PRKG1: variants seen among roughly 807,000 people sequenced by gnomAD.
PRKG1 encodes the protein cGMP-dependent protein kinase 1.
A neutral mutation model predicts 88.1 loss-of-function variants in PRKG1; 35 were observed. The ratio of observed to expected loss-of-function variants is 0.40; its 90% CI spans 0.30 to 0.53. PRKG1 has a LOEUF of 0.53. Among genes scored for constraint, PRKG1 ranks in the 20% least tolerant of loss-of-function variants. The pLI, the probability that PRKG1 is intolerant of heterozygous loss-of-function variation, is 0.59. For missense variants in PRKG1, 540 were observed against 839.8 expected, an observed-to-expected ratio of 0.64 and a Z score of 4.41; for synonymous variants, 303 against 292.5, an observed-to-expected ratio of 1.04 and a Z score of -0.37.
At chr10:51,884,888 G>A (rs1054706009) in intron 4 of PRKG1, among the ~76,000 whole-genome samples, 4 of 152,156 alleles carry the variant, frequency 2.6e-5, no homozygotes, top group East Asian at 1.9e-4. Flanking sequence ...CCACCTCTTC[G>A]TAGGAGAAGT....
At chr10:51,729,319 TTTTTCTAGG>T (rs1842214426) in intron 3 of PRKG1, among the ~76,000 whole-genome samples, 1 of 152,174 alleles carries the variant, frequency 6.6e-6, no homozygotes. Context: ...AACTCAAACA[TTTTTCTAGG>T]GTTTATTATC....
intron 3 of PRKG1, among the ~76,000 whole-genome samples, chr10:51,727,555 T>C (rs907759021): frequency 6.6e-6 from 1 of 152,200 alleles, no homozygotes; most frequent in Non-Finnish European, 1.5e-5. Flanking sequence ...CCGTTGACAT[T>C]AATGTTTTGC....
At chr10:51,210,864 C>A (rs181503828) in intron 2 of PRKG1, among the ~76,000 whole-genome samples, 1 of 152,182 alleles carries the variant, frequency 6.6e-6, no homozygotes, top group African/African-American at 2.4e-5. Context: ...GATGGATTCA[C>A]AGCCGAATTC....
chr10:51,746,403 G>C (rs1400692993), intron 3 of PRKG1, among the ~76,000 whole-genome samples: 1 of 151,930 alleles, frequency 6.6e-6, no homozygotes, highest in Non-Finnish European at 1.5e-5. Flanking sequence ...TTGGACTCAA[G>C]CTCTCCCTAT....
At chr10:51,965,602 T>A (rs1177097195) in intron 5 of PRKG1, among the ~76,000 whole-genome samples, 1 of 152,166 alleles carries the variant, frequency 6.6e-6, no homozygotes, top group Non-Finnish European at 1.5e-5. Flanking sequence ...TTCAAAAGAA[T>A]CATATAGCAA....
chr10:52,045,513 T>C (rs952763531), intron 5 of PRKG1, among the ~76,000 whole-genome samples: 1 of 152,100 alleles, frequency 6.6e-6, no homozygotes, highest in Non-Finnish European at 1.5e-5. Context: ...AGGGTTGTTA[T>C]GACATAAAGG....
intron 3 of PRKG1, among the ~76,000 whole-genome samples, chr10:51,468,538 T>G (rs1201509374): frequency 6.6e-6 from 1 of 151,814 alleles, no homozygotes; most frequent in African/African-American, 2.4e-5. Context: ...AAAATCTGCT[T>G]CCTGAATAAG....
At chr10:51,217,075 A>C (rs1236647793) in intron 2 of PRKG1, among the ~76,000 whole-genome samples, 1 of 152,140 alleles carries the variant, frequency 6.6e-6, no homozygotes, top group Admixed American at 6.5e-5. Flanking sequence ...GTGATAGTTA[A>C]AGTTTAATAC....
chr10:51,750,995 G>T (rs1223194508), intron 3 of PRKG1, among the ~76,000 whole-genome samples: 1 of 152,134 alleles, frequency 6.6e-6, no homozygotes, highest in Non-Finnish European at 1.5e-5. Flanking sequence ...TGGTGCTGAA[G>T]TTTTTATCTT....
intron 3 of PRKG1, among the ~76,000 whole-genome samples, chr10:51,581,145 G>T (rs1838023892): frequency 6.6e-6 from 1 of 152,090 alleles, no homozygotes; most frequent in East Asian, 1.9e-4. Flanking sequence ...GGTCACATGG[G>T]GATGAAGTAA....
intron 7 of PRKG1, among the ~76,000 whole-genome samples, chr10:52,117,671 G>T (rs193250113): frequency 6.6e-6 from 1 of 151,832 alleles, no homozygotes; most frequent in African/African-American, 2.4e-5. Context: ...CATGTAATTC[G>T]AATATATAAT....
At chr10:51,928,735 ACAAT>A (rs1331001059) in intron 5 of PRKG1, among the ~76,000 whole-genome samples, 1 of 152,186 alleles carries the variant, frequency 6.6e-6, no homozygotes, top group Non-Finnish European at 1.5e-5. Context: ...CTGTTTGATG[ACAAT>A]CAAAGAGCGT....
intron 9 of PRKG1, among the ~76,000 whole-genome samples, chr10:52,205,838 TA>T (rs2132788707): frequency 6.6e-6 from 1 of 152,238 alleles, no homozygotes; most frequent in Non-Finnish European, 1.5e-5. Flanking sequence ...TCTAGCTGCT[TA>T]AAATTTTTTT....
intron 3 of PRKG1, among the ~76,000 whole-genome samples, chr10:51,470,798 G>A (rs1165835663): frequency 1.3e-5 from 2 of 151,794 alleles, no homozygotes; most frequent in Non-Finnish European, 2.9e-5. Context: ...ATGATTATGA[G>A]CTTGTTCATA....
At chr10:51,597,033 A>G (rs773025357) in intron 3 of PRKG1, among the ~76,000 whole-genome samples, 7 of 152,208 alleles carry the variant, frequency 4.6e-5, no homozygotes, top group Non-Finnish European at 1.0e-4. Flanking sequence ...AACAAGCTTC[A>G]CATGAATCAG....
At chr10:51,223,048 A>C (rs1277551819) in intron 2 of PRKG1, among the ~76,000 whole-genome samples, 1 of 152,026 alleles carries the variant, frequency 6.6e-6, no homozygotes, top group African/African-American at 2.4e-5. Flanking sequence ...AGGGCACTTA[A>C]AATCTACTCA....
intron 4 of PRKG1, among the ~76,000 whole-genome samples, chr10:51,880,124 T>C (rs1841401688): frequency 6.6e-6 from 1 of 152,226 alleles, no homozygotes. Flanking sequence ...TTATTGTATT[T>C]GATTAAAAAA....
chr10:51,038,631 T>G (rs1843382594), intron 1 of PRKG1, among the ~76,000 whole-genome samples: 2 of 152,220 alleles, frequency 1.3e-5, no homozygotes, highest in Non-Finnish European at 2.9e-5. Context: ...TGTCCTCCAG[T>G]TCTATCCATG....
At chr10:52,263,484 A>G (rs1260540174) in intron 10 of PRKG1, among the ~76,000 whole-genome samples, 1 of 152,120 alleles carries the variant, frequency 6.6e-6, no homozygotes, top group Non-Finnish European at 1.5e-5. Context: ...TTAGAATTGT[A>G]TGACCATCAT....
Sources: gnomAD v4.1 joint callset for allele counts (sites outside exome capture counted in the v4.1 genomes callset) on GRCh38, gnomAD v4.1.1 for gene constraint, MANE v1.5 for transcripts, NCBI Gene and HGNC (gene_info 2026-07-23, HGNC 2026-07-21) for gene names.